The following SHROOM3 variants were observed in gnomAD, a reference collection of about 807,000 sequenced individuals.
SHROOM3 encodes the protein protein Shroom3.
A neutral mutation model predicts 138.6 loss-of-function variants in SHROOM3; 47 were observed. The ratio of observed to expected loss-of-function variants is 0.34; its 90% CI spans 0.27 to 0.43. The LOEUF (loss-of-function observed/expected upper bound fraction) is 0.43. Ranked by LOEUF, SHROOM3 falls within the 20% of genes least tolerant of loss-of-function variation. The pLI, the probability that SHROOM3 is intolerant of heterozygous loss-of-function variation, is 1.00. For missense variants in SHROOM3, 2,491 were observed against 2,596.5 expected (o/e 0.96, Z 0.88); for synonymous variants, 1,062 against 1,063.3 (o/e 1.00, Z 0.02).
intron 2 of SHROOM3, chr4:76,689,666 C>A: frequency 2.0e-6 from 2 of 985,456 alleles, no homozygotes; most frequent in Non-Finnish European, 2.4e-6. Flanking sequence ...GAGCCCCGAG[C>A]AGCCCGGGGG....
intron 2 of SHROOM3, among the ~76,000 whole-genome samples, chr4:76,675,614 C>T (rs6835975): frequency 0.014 from 2,057 of 152,268 alleles, 38 homozygotes; most frequent in African/African-American, 0.047. Flanking sequence ...TCCCAGCACT[C>T]TGGAAGGCCA....
intron 3 of SHROOM3, among the ~76,000 whole-genome samples, chr4:76,723,158 T>G (rs1396626868): frequency 6.6e-6 from 1 of 152,194 alleles, no homozygotes; most frequent in Admixed American, 6.5e-5. Context: ...TACCAATCTT[T>G]CAAGGTCATC....
chr4:76,667,795 C>T (rs1213940161), intron 2 of SHROOM3, among the ~76,000 whole-genome samples: 2 of 150,936 alleles, frequency 1.3e-5, no homozygotes, highest in Non-Finnish European at 3.0e-5. Context: ...GCTGAAACCC[C>T]GCCTCTACTA....
chr4:76,467,236 G>T (rs1402216172), intron 1 of SHROOM3, among the ~76,000 whole-genome samples: 2 of 151,838 alleles, frequency 1.3e-5, no homozygotes, highest in Non-Finnish European at 2.9e-5. Context: ...TGGTAGAGAT[G>T]GGGTTTCACC....
chr4:76,758,582 G>A (rs1474167960), intron 8 of SHROOM3: 4 of 152,122 alleles, frequency 2.6e-5, no homozygotes, highest in African/African-American at 4.8e-5. Context: ...TTTGTAATGC[G>A]GTGGACATAT....
At chr4:76,446,340 A>G (rs1470302383) in intron 1 of SHROOM3, among the ~76,000 whole-genome samples, 2 of 151,988 alleles carry the variant, frequency 1.3e-5, no homozygotes, top group African/African-American at 4.8e-5. Context: ...AAAAAAAAAA[A>G]AAGTGGAATG....
intron 2 of SHROOM3, among the ~76,000 whole-genome samples, chr4:76,657,927 C>A (rs1736099818): frequency 6.6e-6 from 1 of 152,176 alleles, no homozygotes; most frequent in African/African-American, 2.4e-5. Flanking sequence ...AGTCCTAGAA[C>A]TGGTCCTCTC....
At position 76,754,553 on chromosome 4, in the gene SHROOM3, C is replaced by T. The variant is rs753085301; in HGVS notation, c.4070C>T (p.Pro1357Leu). The change falls in exon 7 of 11, where the codon CCT (proline) becomes CTT (leucine). Residue 1357 changes from proline to leucine, a missense_variant. Physicochemically the swap from Pro to Leu is moderately conservative, Grantham distance 98. Coordinates refer to ENST00000296043, the MANE Select transcript of SHROOM3 (RefSeq NM_020859.4). ...RAAPLTPIGT[P>L]LPSAIPSGYC... The stretch of plus-strand genomic sequence containing the variant: ...GCACCCCTGACCCCAATTGGCACCC[C>T]TCTGCCTTCAGCCATTCCCTCTGGC... 3 of 1,613,874 alleles carry T rather than the reference C, an allele frequency of 1.9e-6. No homozygotes were observed. Among genetic ancestry groups the T allele is most frequent in the African/African-American group, 1.3e-5 (1 of 75,040 alleles).
intron 1 of SHROOM3, among the ~76,000 whole-genome samples, chr4:76,486,701 A>G (rs1022786292): frequency 5.9e-5 from 9 of 152,174 alleles, no homozygotes; most frequent in African/African-American, 2.2e-4. Flanking sequence ...TCATTCACAT[A>G]GATTCCTAAA....
intron 1 of SHROOM3, among the ~76,000 whole-genome samples, chr4:76,535,963 TGTAGG>T (rs1459845430): frequency 1.3e-5 from 2 of 152,030 alleles, no homozygotes; most frequent in African/African-American, 4.8e-5. Context: ...AGATAATGGA[TGTAGG>T]GGTGGGTTAC....
At chr4:76,675,622 C>T (rs2110100346) in intron 2 of SHROOM3, among the ~76,000 whole-genome samples, 1 of 152,240 alleles carries the variant, frequency 6.6e-6, no homozygotes, top group African/African-American at 2.4e-5. Flanking sequence ...CTCTGGAAGG[C>T]CAAGATGGGA....
At chr4:76,543,620 C>G (rs978624367) in intron 1 of SHROOM3, among the ~76,000 whole-genome samples, 4 of 152,136 alleles carry the variant, frequency 2.6e-5, no homozygotes, top group African/African-American at 9.7e-5. Flanking sequence ...TTTTAGTTTC[C>G]CAGTGACCCT....
intron 2 of SHROOM3, among the ~76,000 whole-genome samples, chr4:76,568,061 C>T (rs969600716): frequency 3.9e-5 from 6 of 152,108 alleles, no homozygotes; most frequent in Non-Finnish European, 7.3e-5. Context: ...TTATTTTTTA[C>T]CTGTCTCTCT....
chr4:76,652,824 C>CATAT (rs1429408136), intron 2 of SHROOM3, among the ~76,000 whole-genome samples: 5 of 151,676 alleles, frequency 3.3e-5, no homozygotes, highest in Non-Finnish European at 4.4e-5. Context: ...TATACATATA[C>CATAT]ACACACATAT....
At chr4:76,703,119 G>C (rs1719949994) in intron 2 of SHROOM3, among the ~76,000 whole-genome samples, 1 of 152,196 alleles carries the variant, frequency 6.6e-6, no homozygotes, top group Non-Finnish European at 1.5e-5. Flanking sequence ...GACATACAAA[G>C]TGCATCTCTG....
rs146962643 is a variant in SHROOM3 at position 76,528,544 on chromosome 4, C to CTTTTTTTTTTTTTTTT, written c.169-27062_169-27061insTTTTTTTTTTTTTTTT. 2.2e-4 allele frequency among the ~76,000 whole-genome samples: 23 copies of CTTTTTTTTTTTTTTTT among 103,450 alleles called. 1 individual carries two copies. The highest frequency in any genetic ancestry group is 5.4e-4 in the African/African-American group (12 of 22,394). 67.9% of individuals were successfully genotyped at this position (103,450 alleles called of 152,430 possible). A position where few individuals can be genotyped will look rare whatever the true frequency, so the allele number is the denominator to read the frequency against. ...GGACTTCTCTCCTTTATCTTTCTTT[C>CTTTTTTTTTTTTTTTT]TTTCTTTTTTTTTTTTTTGAGGCAG... On this transcript the variant is annotated intron_variant, in intron 1 of 10. Transcript: ENST00000296043.
intron 2 of SHROOM3, among the ~76,000 whole-genome samples, chr4:76,680,474 G>T (rs1719160445): frequency 6.6e-6 from 1 of 152,072 alleles, no homozygotes; most frequent in Non-Finnish European, 1.5e-5. Context: ...TTACAAAGTG[G>T]ATTTTCTTCT....
At chr4:76,758,012 G>A (rs938502648) in intron 8 of SHROOM3, 2 of 152,164 alleles carry the variant, frequency 1.3e-5, no homozygotes, top group African/African-American at 4.8e-5. Flanking sequence ...TTCATTTTAT[G>A]GGGGAGAGAG....
chr4:76,476,224 A>T (rs1731482160), intron 1 of SHROOM3, among the ~76,000 whole-genome samples: 1 of 152,166 alleles, frequency 6.6e-6, no homozygotes, highest in Admixed American at 6.5e-5. Context: ...AATAATTTGA[A>T]AACCCTTTGT....
Sources: allele counts gnomAD v4.1 joint callset (sites outside exome capture counted in the v4.1 genomes callset), GRCh38; gene constraint gnomAD v4.1.1; transcripts MANE v1.5; gene names NCBI Gene and HGNC (gene_info 2026-07-23, HGNC 2026-07-21).